Variants in MAEA observed in about 807,000 individuals in gnomAD.
MAEA encodes E3 ubiquitin-protein transferase MAEA.
MAEA carries 22 observed loss-of-function variants against 46.2 expected under a neutral mutation model. That is an observed-to-expected ratio of 0.48 (90% CI 0.34 to 0.68). The LOEUF is 0.68. MAEA is among the 30% of genes least tolerant of loss of function. MAEA has a pLI of 0.01. For synonymous variants in MAEA, 246 were observed against 222.6 expected (o/e 1.11, Z -0.94); for missense variants, 393 against 558.1 (o/e 0.70, Z 2.98).
intron 1 of MAEA, among the ~76,000 whole-genome samples, chr4:1,294,963 C>T (rs539974167): frequency 3.3e-4 from 51 of 152,258 alleles, no homozygotes; most frequent in African/African-American, 1.1e-3. Context: ...CACACAGGCA[C>T]ACAGCACCAT....
intron 1 of MAEA, chr4:1,309,576 G>A: frequency 1.3e-6 from 2 of 1,489,808 alleles, no homozygotes; most frequent in Admixed American, 2.1e-5. Context: ...CAGCGCTGGA[G>A]GAGGAGCAGA....
chr4:1,337,324 A>C, intron 7 of MAEA: 1 of 251,462 alleles, frequency 4.0e-6, no homozygotes, highest in East Asian at 1.3e-4. Flanking sequence ...CCGTGTGATT[A>C]CCAAGAACCT....
chr4:1,329,570 C>A (rs1054583542), intron 5 of MAEA: 11 of 985,352 alleles, frequency 1.1e-5, no homozygotes, highest in Non-Finnish European at 1.2e-5. Flanking sequence ...GGGGCAGGCG[C>A]AGTGTGAGCT....
intron 3 of MAEA, among the ~76,000 whole-genome samples, chr4:1,318,759 G>A (rs1196606738): frequency 6.6e-6 from 1 of 152,164 alleles, no homozygotes; most frequent in African/African-American, 2.4e-5. Flanking sequence ...TCCTGTAGGG[G>A]GCGCCATGGA....
chr4:1,292,702 G>C (rs1394285731), intron 1 of MAEA, among the ~76,000 whole-genome samples: 1 of 152,118 alleles, frequency 6.6e-6, no homozygotes. Flanking sequence ...AGAATTGCTG[G>C]GCTGGATCCT....
chr4:1,310,876 G>A (rs944958331), intron 1 of MAEA, among the ~76,000 whole-genome samples: 9 of 152,232 alleles, frequency 5.9e-5, no homozygotes, highest in Admixed American at 2.0e-4. Context: ...CTCCTTCCTC[G>A]GCTGAGGCCA....
intron 1 of MAEA, among the ~76,000 whole-genome samples, chr4:1,303,875 C>T (rs983882171): frequency 1.5e-5 from 2 of 134,582 alleles, no homozygotes; most frequent in South Asian, 2.4e-4. Flanking sequence ...TGCACAGTGC[C>T]GGCAGGGCAG....
rs182566878 is a variant in MAEA at position 1,317,329 on chromosome 4, C to T, written c.456+1729C>T. ...CACACTCCAGACTCACCCGCAGGCC[C>T]CACACTCTGGACTCATCTGCAGGCC... On this transcript the variant is annotated intron_variant, in intron 3 of 8. Transcript: ENST00000303400. 6.5e-3 allele frequency among the ~76,000 whole-genome samples: 963 copies of T among 148,736 alleles called. 8 individuals are homozygous for T. Among genetic ancestry groups the T allele is most frequent in the Non-Finnish European group, 9.5e-3 (638 of 66,910 alleles).
chr4:1,303,373 G>A (rs1438584052), intron 1 of MAEA, among the ~76,000 whole-genome samples: 1 of 140,708 alleles, frequency 7.1e-6, no homozygotes, highest in East Asian at 2.1e-4. Flanking sequence ...CTGCACTCCA[G>A]CCTGGGCGAC....
chr4:1,315,006 T>C (rs1472527021), intron 2 of MAEA, among the ~76,000 whole-genome samples: 1 of 152,232 alleles, frequency 6.6e-6, no homozygotes, highest in Non-Finnish European at 1.5e-5. Flanking sequence ...TCTAGCCCGA[T>C]TCATTTTTAA....
At chr4:1,328,793 G>T in intron 5 of MAEA, 1 of 1,097,278 alleles carries the variant, frequency 9.1e-7, no homozygotes, top group South Asian at 2.1e-5. Flanking sequence ...TCCGGCTCCT[G>T]ATGCTGACCT....
intron 5 of MAEA, chr4:1,329,847 T>C: frequency 1.0e-6 from 1 of 985,494 alleles, no homozygotes; most frequent in Non-Finnish European, 1.2e-6. Context: ...TCCTGAGGGC[T>C]CCAGGCAGGG....
intron 1 of MAEA, among the ~76,000 whole-genome samples, chr4:1,301,687 T>G (rs1735332942): frequency 6.6e-6 from 1 of 151,656 alleles, no homozygotes; most frequent in African/African-American, 2.4e-5. Context: ...AGCAGCAGAG[T>G]GACGCCCTAT....
At chr4:1,298,121 G>C in intron 1 of MAEA, 1 of 455,400 alleles carries the variant, frequency 2.2e-6, no homozygotes, top group Non-Finnish European at 4.4e-6. Context: ...CCCAGGTACT[G>C]TTCCATATGC....
chr4:1,292,137 TG>T (rs1205188169), intron 1 of MAEA, among the ~76,000 whole-genome samples: 1 of 151,770 alleles, frequency 6.6e-6, no homozygotes, highest in Non-Finnish European at 1.5e-5. Flanking sequence ...TTGTGGAAGG[TG>T]GGGGGTGGAT....
chr4:1,328,754 G>A (rs544751252), intron 5 of MAEA: 27 of 1,194,944 alleles, frequency 2.3e-5, no homozygotes, highest in South Asian at 5.9e-5. Flanking sequence ...CTGCCCTTGC[G>A]TGGACCCTGG....
At chr4:1,290,404 C>T (rs1192707377) in intron 1 of MAEA, among the ~76,000 whole-genome samples, 1 of 152,184 alleles carries the variant, frequency 6.6e-6, no homozygotes, top group East Asian at 1.9e-4. Context: ...GCGCCGGTCG[C>T]TAGTTAGGAA....
chr4:1,307,660 A>C (rs1247603206), intron 1 of MAEA, among the ~76,000 whole-genome samples: 2 of 152,210 alleles, frequency 1.3e-5, no homozygotes, highest in African/African-American at 2.4e-5. Context: ...AGACCCTGGG[A>C]AGCTGGTGCG....
At chr4:1,330,733 G>C (rs1466617245) in intron 5 of MAEA, 1 of 152,208 alleles carries the variant, frequency 6.6e-6, no homozygotes, top group Non-Finnish European at 1.5e-5. Flanking sequence ...ATACCGTGCT[G>C]TTCTCCCCGG....
Sources: allele counts gnomAD v4.1 joint callset (sites outside exome capture counted in the v4.1 genomes callset), GRCh38; gene constraint gnomAD v4.1.1; transcripts MANE v1.5; gene names NCBI Gene and HGNC (gene_info 2026-07-23, HGNC 2026-07-21).